The following CNGB3 variants were observed in gnomAD, a reference collection of about 807,000 sequenced individuals.
CNGB3 encodes cyclic nucleotide gated channel subunit beta 3, also known as cyclic nucleotide-gated channel beta-3.
A neutral mutation model predicts 92.8 loss-of-function variants in CNGB3; 86 were observed. The observed-to-expected ratio is 0.93, with a 90% CI of 0.78 to 1.11. The LOEUF (loss-of-function observed/expected upper bound fraction) is 1.11, where lower values mean the gene tolerates loss of function less well. Ranked by LOEUF, CNGB3 falls within the 50% of genes least tolerant of loss-of-function variation. The probability of loss-of-function intolerance (pLI) is 0.00; values close to 1 mark genes in which losing one functional copy is unlikely to be tolerated. For synonymous variants in CNGB3, 333 were observed against 332.7 expected, an observed-to-expected ratio of 1.00 and a Z score of -0.01; for missense variants, 1,026 against 956.8, an observed-to-expected ratio of 1.07 and a Z score of -0.95.
At chr8:86,670,852 C>T (rs1288083385) in intron 4 of CNGB3, 92 bp downstream of exon 4, 2 of 1,330,790 alleles carry the variant, frequency 1.5e-6, no homozygotes, top group African/African-American at 2.9e-5. Flanking sequence ...TTCTCAGGGT[C>T]TGCTTTTGGG....
chr8:86,593,690 C>T (rs1822104645), intron 15 of CNGB3: 1 of 706,644 alleles, frequency 1.4e-6, no homozygotes, highest in African/African-American at 1.8e-5. Flanking sequence ...CCAGACCTCA[C>T]TAGGCACGCT....
At chr8:86,581,116 C>T (rs1376734365) in intron 15 of CNGB3, among the ~76,000 whole-genome samples, 1 of 152,116 alleles carries the variant, frequency 6.6e-6, no homozygotes, top group Non-Finnish European at 1.5e-5. Flanking sequence ...GTCCTTACAA[C>T]AAGAAAAAGC....
intron 2 of CNGB3, among the ~76,000 whole-genome samples, chr8:86,739,355 T>C (rs960606506): frequency 6.6e-6 from 1 of 152,242 alleles, no homozygotes; most frequent in Admixed American, 6.5e-5. Context: ...GATGTGTTTC[T>C]TTAGACTACA....
At chr8:86,659,287 C>A in intron 6 of CNGB3, 1 of 965,560 alleles carries the variant, frequency 1.0e-6, no homozygotes, top group African/African-American at 1.6e-5. Flanking sequence ...AACTCCATAA[C>A]CTGCCCCAGG....
intron 3 of CNGB3, among the ~76,000 whole-genome samples, chr8:86,694,981 C>T (rs1365995160): frequency 6.6e-6 from 1 of 152,174 alleles, no homozygotes; most frequent in East Asian, 1.9e-4. Context: ...GCCGAGATCA[C>T]GCCACTGCAC....
In CNGB3 at chr8:86,743,513, G is replaced by T. The variant is rs375530321; in HGVS notation, c.115C>A (p.Gln39Lys). ...EGSHPSNQSQ[Q>K]TTAQEENKGE... ...AGAGGACATACCTGTGCTGTGGTTT[G>T]CTGAGACTGATTACTTGGGTGAGAG... The change falls in exon 1 of 18, where the codon CAA becomes AAA. Residue 39 changes from glutamine (Q) to lysine (K), a missense_variant. By Grantham distance (53) the Gln-to-Lys change is moderately conservative. Transcript: ENST00000320005. 90 of 1,613,840 alleles carry T rather than the reference G, an allele frequency of 5.6e-5. No individual in the cohort carries two copies. Among genetic ancestry groups the T allele is most frequent in the Middle Eastern group, 3.3e-4 (2 of 6,082 alleles).
intron 15 of CNGB3, among the ~76,000 whole-genome samples, chr8:86,589,082 A>G (rs753270670): frequency 0.093 from 14,059 of 151,742 alleles, 712 homozygotes; most frequent in Non-Finnish European, 0.11. Flanking sequence ...TGTGTGTGTC[A>G]AGGAATTTAT....
intron 15 of CNGB3, among the ~76,000 whole-genome samples, chr8:86,597,093 G>A (rs2131552733): frequency 6.6e-6 from 1 of 152,276 alleles, no homozygotes; most frequent in Middle Eastern, 3.4e-3. Flanking sequence ...GATGGGTGCA[G>A]CAAACCAACA....
At chr8:86,633,319 G>T (rs1176427678) in intron 10 of CNGB3, among the ~76,000 whole-genome samples, 1 of 152,182 alleles carries the variant, frequency 6.6e-6, no homozygotes, top group African/African-American at 2.4e-5. Flanking sequence ...ACTGTTGGCT[G>T]GGTTCCCCTG....
intron 6 of CNGB3, among the ~76,000 whole-genome samples, chr8:86,654,585 G>A (rs1415173222): frequency 6.6e-6 from 1 of 152,092 alleles, no homozygotes; most frequent in Non-Finnish European, 1.5e-5. Context: ...AATTTAACTA[G>A]TGCCTAGAAT....
chr8:86,740,781 TTATTAA>T (rs1586046516), intron 1 of CNGB3, among the ~76,000 whole-genome samples: 1 of 152,148 alleles, frequency 6.6e-6, no homozygotes, highest in Admixed American at 6.5e-5. Context: ...GCAGCTATTA[TTATTAA>T]TATTATTATA....
intron 1 of CNGB3, 115 bp from the exon 2 acceptor site, chr8:86,739,851 T>C (rs1266472563): frequency 2.5e-6 from 3 of 1,204,138 alleles, no homozygotes; most frequent in South Asian, 1.3e-5. Flanking sequence ...AAATTGACTG[T>C]TTATGATGTA....
In CNGB3 at chr8:86,579,314, T is replaced by TA. The variant is rs1308731650; in HGVS notation, c.1782-63dup. On this transcript the variant is annotated intron_variant, in intron 15 of 17. Coordinates refer to ENST00000320005, the MANE Select transcript of CNGB3 (RefSeq NM_019098.5). Reference sequence around the variant, plus strand: ...CAGTTTTCCTCCACTGAAATCTCTTTAAAAAAATAGCAACTATTATAAGTA... The same window carrying TA: ...CAGTTTTCCTCCACTGAAATCTCTTTAAAAAAAATAGCAACTATTATAAGTA... 1.0e-5 allele frequency: 16 copies of TA among 1,576,454 alleles called. No individual in the cohort carries two copies. The African/African-American group carries it at 1.2e-4, about 12-fold the overall frequency.
At chr8:86,694,362 C>A (rs897473263) in intron 3 of CNGB3, among the ~76,000 whole-genome samples, 5 of 150,566 alleles carry the variant, frequency 3.3e-5, no homozygotes, top group East Asian at 2.0e-4. Context: ...CTGACCCCCC[C>A]ACTTCCCTCC....
chr8:86,708,068 C>T (rs1824681969), intron 3 of CNGB3: 1 of 152,148 alleles, frequency 6.6e-6, no homozygotes, highest in Non-Finnish European at 1.5e-5. Flanking sequence ...GAAATTTTAA[C>T]TCGGCAGTTT....
At chr8:86,697,251 A>T (rs1212685060) in intron 3 of CNGB3, among the ~76,000 whole-genome samples, 1 of 152,118 alleles carries the variant, frequency 6.6e-6, no homozygotes, top group East Asian at 1.9e-4. Flanking sequence ...TTACTCTGTT[A>T]TTTCAATTTA....
intron 13 of CNGB3, among the ~76,000 whole-genome samples, chr8:86,623,014 C>CAG (rs1822772004): frequency 6.6e-6 from 1 of 152,070 alleles, no homozygotes; most frequent in Non-Finnish European, 1.5e-5. Flanking sequence ...AGTGACTATG[C>CAG]CTAACCATTC....
chr8:86,628,042 T>C (rs1822883450), intron 12 of CNGB3, among the ~76,000 whole-genome samples: 1 of 152,224 alleles, frequency 6.6e-6, no homozygotes, highest in African/African-American at 2.4e-5. Context: ...TTCTTTTCTC[T>C]AGTTTATTTT....
At chr8:86,612,976 TC>T (rs1363282120) in intron 13 of CNGB3, among the ~76,000 whole-genome samples, 2 of 152,136 alleles carry the variant, frequency 1.3e-5, no homozygotes, top group African/African-American at 4.8e-5. Context: ...TAGAAGATAA[TC>T]ATGTCATAAA....
Sources: gnomAD v4.1 joint callset for allele counts (sites outside exome capture counted in the v4.1 genomes callset) on GRCh38, gnomAD v4.1.1 for gene constraint, MANE v1.5 for transcripts, NCBI Gene and HGNC (gene_info 2026-07-23, HGNC 2026-07-21) for gene names.